CCDC192: variants seen among roughly 807,000 people sequenced by gnomAD.
CCDC192 encodes coiled-coil domain-containing protein 192.
intron 5 of CCDC192, among the ~76,000 whole-genome samples, chr5:127,834,058 A>G (rs1461350116): frequency 2.0e-5 from 3 of 152,134 alleles, no homozygotes; most frequent in Non-Finnish European, 2.9e-5. Flanking sequence ...CCCTCTTCCT[A>G]TTTGTCTAAA....
At chr5:127,796,419 GA>G (rs905680900) in intron 3 of CCDC192, among the ~76,000 whole-genome samples, 15 of 152,076 alleles carry the variant, frequency 9.9e-5, no homozygotes, top group African/African-American at 3.6e-4. Context: ...GACCTATAGA[GA>G]AAAAGCACAA....
intron 3 of CCDC192, among the ~76,000 whole-genome samples, chr5:127,755,843 A>T (rs1237840059): frequency 6.6e-6 from 1 of 151,920 alleles, no homozygotes; most frequent in East Asian, 1.9e-4. Context: ...TTCTCGTTTG[A>T]ATCAGTAAGA....
chr5:127,779,932 A>G lies in CCDC192; in HGVS notation c.223-17171A>G, dbSNP rs143419540. On this transcript the variant is annotated intron_variant, in intron 3 of 6. Transcript: ENST00000514853. The stretch of plus-strand genomic sequence containing the variant: ...CCAAAGTCCACTGTATTATTCTTAT[A>G]CTTTTGCATCCTCATAGCTTAGCTC... 2.2e-3 allele frequency among the ~76,000 whole-genome samples: 333 copies of G among 151,614 alleles called. 5 individuals carry two copies. The East Asian group carries it at 0.033, about 15-fold the overall frequency.
intron 3 of CCDC192, among the ~76,000 whole-genome samples, chr5:127,763,941 C>T (rs1476642914): frequency 6.6e-6 from 1 of 152,138 alleles, no homozygotes; most frequent in Non-Finnish European, 1.5e-5. Flanking sequence ...CTTCTTCTTC[C>T]TTCAAGTTTG....
At chr5:127,846,588 G>A (rs568624676) in intron 5 of CCDC192, among the ~76,000 whole-genome samples, 1 of 151,946 alleles carries the variant, frequency 6.6e-6, no homozygotes, top group East Asian at 1.9e-4. Context: ...TCATGCCTCA[G>A]CCTCCCGAGC....
At chr5:127,730,295 C>T (rs1162830889) in intron 2 of CCDC192, among the ~76,000 whole-genome samples, 1 of 152,130 alleles carries the variant, frequency 6.6e-6, no homozygotes, top group African/African-American at 2.4e-5. Flanking sequence ...AGTTCCTGGA[C>T]ATATATATCC....
At chr5:127,740,786 A>G (rs1179397015) in intron 2 of CCDC192, among the ~76,000 whole-genome samples, 1 of 152,180 alleles carries the variant, frequency 6.6e-6, no homozygotes, top group Non-Finnish European at 1.5e-5. Flanking sequence ...AATGTCATCA[A>G]TTCTATCACT....
At chr5:127,893,643 T>C in intron 6 of CCDC192, among the ~76,000 whole-genome samples, 1 of 152,304 alleles carries the variant, frequency 6.6e-6, no homozygotes, top group Admixed American at 6.5e-5. Flanking sequence ...TACTAACTTG[T>C]CCAGAACATC....
At chr5:127,736,434 C>A (rs188029836) in intron 2 of CCDC192, among the ~76,000 whole-genome samples, 2 of 151,734 alleles carry the variant, frequency 1.3e-5, no homozygotes, top group Non-Finnish European at 2.9e-5. Context: ...CAGAATGATG[C>A]TTGCCTCATA....
At chr5:127,862,271 A>G (rs1380803427) in intron 5 of CCDC192, among the ~76,000 whole-genome samples, 1 of 152,184 alleles carries the variant, frequency 6.6e-6, no homozygotes, top group Non-Finnish European at 1.5e-5. Context: ...GGCATGTTAC[A>G]TGGACCAAGT....
intron 3 of CCDC192, among the ~76,000 whole-genome samples, chr5:127,790,450 T>G (rs1325076360): frequency 1.3e-5 from 2 of 152,232 alleles, no homozygotes; most frequent in African/African-American, 4.8e-5. Context: ...CATTATCTTT[T>G]TTTTTGTATT....
chr5:127,725,710 G>C (rs1312693697), intron 2 of CCDC192, among the ~76,000 whole-genome samples: 4 of 152,010 alleles, frequency 2.6e-5, no homozygotes. Flanking sequence ...CTTTATATTT[G>C]TTTTCTGATT....
intron 3 of CCDC192, among the ~76,000 whole-genome samples, chr5:127,759,807 G>A (rs996038732): frequency 2.6e-5 from 4 of 152,126 alleles, no homozygotes; most frequent in African/African-American, 7.2e-5. Flanking sequence ...TCATAACTTG[G>A]CTGGCTTTTC....
At chr5:127,866,090 T>C (rs530915786) in intron 5 of CCDC192, among the ~76,000 whole-genome samples, 1 of 152,232 alleles carries the variant, frequency 6.6e-6, no homozygotes, top group South Asian at 2.1e-4. Context: ...TAGATAAAAG[T>C]AGTTGTTCTC....
At chr5:127,753,453 T>C (rs1462923226) in intron 2 of CCDC192, among the ~76,000 whole-genome samples, 8 of 152,042 alleles carry the variant, frequency 5.3e-5, no homozygotes, top group Non-Finnish European at 1.2e-4. Flanking sequence ...ATCCCAGCAC[T>C]TTGGGAGGCT....
At chr5:127,751,426 A>G (rs1754163825) in intron 2 of CCDC192, among the ~76,000 whole-genome samples, 1 of 151,998 alleles carries the variant, frequency 6.6e-6, no homozygotes, top group African/African-American at 2.4e-5. Context: ...TTTCTTTAAG[A>G]ATGTTGAATA....
intron 2 of CCDC192, among the ~76,000 whole-genome samples, chr5:127,720,196 T>C (rs1751939372): frequency 6.6e-6 from 1 of 152,172 alleles, no homozygotes; most frequent in African/African-American, 2.4e-5. Flanking sequence ...CAAAACCAGT[T>C]AGTTACTTCC....
At chr5:127,711,329 A>C (rs190445421) in intron 2 of CCDC192, among the ~76,000 whole-genome samples, 52 of 152,324 alleles carry the variant, frequency 3.4e-4, no homozygotes, top group African/African-American at 1.2e-3. Flanking sequence ...CACTTTATTA[A>C]AGAATCACTA....
intron 5 of CCDC192, among the ~76,000 whole-genome samples, chr5:127,812,165 C>T (rs943492318): frequency 6.6e-6 from 1 of 152,090 alleles, no homozygotes; most frequent in African/African-American, 2.4e-5. Context: ...TAGACTGGTA[C>T]CTACAACACA....
Sources: allele counts gnomAD v4.1 joint callset (sites outside exome capture counted in the v4.1 genomes callset), GRCh38; gene constraint gnomAD v4.1.1; transcripts MANE v1.5; gene names NCBI Gene and HGNC (gene_info 2026-07-23, HGNC 2026-07-21).